LINGO2: variants seen among roughly 807,000 people sequenced by gnomAD.
LINGO2 encodes the protein leucine rich repeat and Ig domain containing 2, also known as leucine-rich repeat and immunoglobulin-like domain-containing nogo receptor-interacting protein 2.
A neutral mutation model predicts 30.6 loss-of-function variants in LINGO2; 14 were observed. That is an observed-to-expected ratio of 0.46 (90% CI 0.30 to 0.72). The LOEUF (loss-of-function observed/expected upper bound fraction) is 0.72. LINGO2 is among the 30% of genes least tolerant of loss of function. The probability of loss-of-function intolerance (pLI) is 0.07; values close to 1 mark genes in which losing one functional copy is unlikely to be tolerated. For missense variants in LINGO2, 729 were observed against 751.7 expected (o/e 0.97, Z 0.35); for synonymous variants, 317 against 288.5 (o/e 1.10, Z -1.00).
chr9:29,090,551 G>A, the LINGO2 span, among the ~76,000 whole-genome samples: 3 of 152,068 alleles, frequency 2.0e-5, no homozygotes, highest in African/African-American at 7.2e-5. Flanking sequence ...ACTGAAAACT[G>A]AATGAATTAA....
the LINGO2 span, among the ~76,000 whole-genome samples, chr9:29,132,947 C>A: frequency 6.6e-6 from 1 of 151,854 alleles, no homozygotes; most frequent in African/African-American, 2.4e-5. Flanking sequence ...AGTCAAACTC[C>A]TGGGCTCAGG....
intron 2 of LINGO2, among the ~76,000 whole-genome samples, chr9:28,429,183 A>G (rs933442226): frequency 2.6e-5 from 4 of 152,230 alleles, no homozygotes; most frequent in African/African-American, 9.6e-5. Flanking sequence ...ATAGATACAA[A>G]GAGTATTCTG....
chr9:28,312,039 G>A (rs1030857261), intron 3 of LINGO2, among the ~76,000 whole-genome samples: 2 of 151,994 alleles, frequency 1.3e-5, no homozygotes, highest in Non-Finnish European at 2.9e-5. Flanking sequence ...CCCTCCGTTC[G>A]GGGTCCCTGA....
chr9:28,647,052 C>A (rs1326790653), intron 1 of LINGO2, among the ~76,000 whole-genome samples: 4 of 152,032 alleles, frequency 2.6e-5, no homozygotes, highest in African/African-American at 9.7e-5. Flanking sequence ...GCAAAGACAC[C>A]ACAGGTATCC....
chr9:29,061,411 C>T, the LINGO2 span, among the ~76,000 whole-genome samples: 2 of 151,838 alleles, frequency 1.3e-5, no homozygotes, highest in African/African-American at 4.8e-5. Context: ...TTGGAGGTCT[C>T]CCACTTTCTG....
chr9:28,331,540 C>T (rs1057476034), intron 3 of LINGO2, among the ~76,000 whole-genome samples: 1 of 152,162 alleles, frequency 6.6e-6, no homozygotes, highest in Non-Finnish European at 1.5e-5. Flanking sequence ...AAGTCTCACT[C>T]TGTCACCCAG....
At chr9:28,564,469 C>G (rs1481043729) in intron 1 of LINGO2, among the ~76,000 whole-genome samples, 1 of 152,088 alleles carries the variant, frequency 6.6e-6, no homozygotes, top group Non-Finnish European at 1.5e-5. Context: ...ATTACAGTTA[C>G]AACTAACCAA....
chr9:29,016,712 GA>G, the LINGO2 span, among the ~76,000 whole-genome samples: 1 of 152,058 alleles, frequency 6.6e-6, no homozygotes, highest in Admixed American at 6.6e-5. Context: ...TTATTTTTAA[GA>G]ACTATATCTT....
chr9:28,306,172 T>C (rs1824344328), intron 3 of LINGO2, among the ~76,000 whole-genome samples: 2 of 152,120 alleles, frequency 1.3e-5, no homozygotes, highest in African/African-American at 2.4e-5. Context: ...TTCACACTAC[T>C]AGACTATGAG....
intron 4 of LINGO2, among the ~76,000 whole-genome samples, chr9:28,174,691 G>A (rs115285090): frequency 1.9e-3 from 293 of 152,208 alleles, no homozygotes; most frequent in African/African-American, 4.9e-3. Context: ...ACATCACACC[G>A]TATGGTGAAT....
At chr9:28,577,667 G>T (rs1329959861) in intron 1 of LINGO2, among the ~76,000 whole-genome samples, 1 of 152,052 alleles carries the variant, frequency 6.6e-6, no homozygotes, top group Non-Finnish European at 1.5e-5. Flanking sequence ...ACTTTTGGGT[G>T]GTTATATTTT....
chr9:28,001,621 G>C (rs1821959117), intron 5 of LINGO2, among the ~76,000 whole-genome samples: 1 of 152,090 alleles, frequency 6.6e-6, no homozygotes, highest in South Asian at 2.1e-4. Context: ...AAGTCTTTCA[G>C]AGGCATTGTT....
At chr9:28,171,912 C>T (rs917827170) in intron 4 of LINGO2, among the ~76,000 whole-genome samples, 6 of 143,606 alleles carry the variant, frequency 4.2e-5, no homozygotes, top group African/African-American at 1.5e-4. Context: ...GTTCCAGCTA[C>T]TTGGGAGGCT....
chr9:28,034,968 A>T (rs1400486394), intron 4 of LINGO2, among the ~76,000 whole-genome samples: 2 of 152,218 alleles, frequency 1.3e-5, no homozygotes. Context: ...CACTGTGTAC[A>T]TGAGAAGTAT....
intron 1 of LINGO2, among the ~76,000 whole-genome samples, chr9:28,662,351 C>G (rs1161259484): frequency 6.6e-6 from 1 of 152,072 alleles, no homozygotes; most frequent in Non-Finnish European, 1.5e-5. Context: ...GGAATTGATG[C>G]TTTTTTATTA....
chr9:28,313,027 T>C (rs1824692709), intron 3 of LINGO2, among the ~76,000 whole-genome samples: 1 of 152,164 alleles, frequency 6.6e-6, no homozygotes, highest in Admixed American at 6.5e-5. Flanking sequence ...ATAGTCCAGG[T>C]ACCAAGCAAA....
At chr9:28,769,487 TA>T in the LINGO2 span, among the ~76,000 whole-genome samples, 1 of 5,176 alleles carries the variant, frequency 1.9e-4, no homozygotes, top group African/African-American at 1.1e-3. Flanking sequence ...TATATATATA[TA>T]TATATATATA....
At chr9:29,008,646 G>A in the LINGO2 span, among the ~76,000 whole-genome samples, 1 of 152,122 alleles carries the variant, frequency 6.6e-6, no homozygotes, top group African/African-American at 2.4e-5. Context: ...GCATCTCATT[G>A]TGGTTTTGAT....
At chr9:28,645,244 T>G (rs1241615355) in intron 1 of LINGO2, among the ~76,000 whole-genome samples, 4 of 152,092 alleles carry the variant, frequency 2.6e-5, no homozygotes. Context: ...CAGTAAGAAC[T>G]GGACATAACC....
Sources: allele counts gnomAD v4.1 joint callset (sites outside exome capture counted in the v4.1 genomes callset), GRCh38; gene constraint gnomAD v4.1.1; transcripts MANE v1.5; gene names NCBI Gene and HGNC (gene_info 2026-07-23, HGNC 2026-07-21).